The following ATXN1 variants were observed in gnomAD, a reference collection of about 807,000 sequenced individuals.
The protein encoded by ATXN1 is ataxin-1.
Under a neutral mutation model 56.4 loss-of-function variants are expected in ATXN1, and 8 were observed. The ratio of observed to expected loss-of-function variants is 0.14; its 90% CI spans 0.08 to 0.26. The LOEUF (loss-of-function observed/expected upper bound fraction) is 0.26, where lower values mean the gene tolerates loss of function less well. Ranked by LOEUF, ATXN1 falls within the 10% of genes least tolerant of loss-of-function variation. The pLI is 1.00. For synonymous variants in ATXN1, 514 were observed against 494.6 expected, an observed-to-expected ratio of 1.04 and a Z score of -0.52; for missense variants, 987 against 1,106.5, an observed-to-expected ratio of 0.89 and a Z score of 1.53.
chr6:16,678,654 A>C (rs1239891380), intron 2 of ATXN1, among the ~76,000 whole-genome samples: 1 of 152,240 alleles, frequency 6.6e-6, no homozygotes, highest in Non-Finnish European at 1.5e-5. Context: ...TTTCTGATTT[A>C]AATATAAGTA....
chr6:16,331,917 C>A (rs1761001789), intron 6 of ATXN1, among the ~76,000 whole-genome samples: 1 of 152,234 alleles, frequency 6.6e-6, no homozygotes, highest in South Asian at 2.1e-4. Flanking sequence ...TCGGCTTAGT[C>A]AGCCCTGAAG....
intron 3 of ATXN1, among the ~76,000 whole-genome samples, chr6:16,611,817 G>A (rs980979983): frequency 6.9e-6 from 1 of 144,786 alleles, no homozygotes; most frequent in African/African-American, 2.5e-5. Context: ...CTACCCCACT[G>A]CATTCAGTCC....
At position 16,304,436 on chromosome 6, in the gene ATXN1, A is replaced by T. The variant is rs550265252; in HGVS notation, c.*1893T>A. The stretch of plus-strand genomic sequence containing the variant: ...ACATTAAATCTCGATTTGATTTTGA[A>T]TAGAAAAAAAAAAGCCATTCTGAAA... On this transcript the variant is annotated 3_prime_UTR_variant, in exon 8 of 8. Coordinates refer to ENST00000436367, the MANE Select transcript of ATXN1 (RefSeq NM_001128164.2). 1 of 152,164 alleles carries T rather than the reference A, an allele frequency of 6.6e-6. No individual in the cohort carries two copies. The highest frequency in any genetic ancestry group is 2.1e-4 in the South Asian group (1 of 4,814). The allele number at this position is 152,164 out of a possible 1,614,324, so 9.4% of individuals were successfully genotyped here. A position where few individuals can be genotyped will look rare whatever the true frequency, so the allele number is the denominator to read the frequency against.
intron 3 of ATXN1, among the ~76,000 whole-genome samples, chr6:16,590,029 G>A (rs1762695350): frequency 6.6e-6 from 1 of 152,092 alleles, no homozygotes; most frequent in Non-Finnish European, 1.5e-5. Context: ...CGCCATTCAA[G>A]TGCTGTAAAC....
intron 6 of ATXN1, among the ~76,000 whole-genome samples, chr6:16,441,571 T>TA (rs559462613): frequency 3.8e-4 from 56 of 148,444 alleles, no homozygotes; most frequent in Non-Finnish European, 5.2e-4. Flanking sequence ...TCAAAAGAGC[T>TA]AAAAGAAAAT....
At chr6:16,626,674 A>T (rs748513502) in intron 3 of ATXN1, among the ~76,000 whole-genome samples, 1 of 152,112 alleles carries the variant, frequency 6.6e-6, no homozygotes, top group Non-Finnish European at 1.5e-5. Flanking sequence ...TCCCCCCACA[A>T]CCACTCAAAA....
chr6:16,575,490 A>G (rs1762405560), intron 4 of ATXN1, among the ~76,000 whole-genome samples: 1 of 152,176 alleles, frequency 6.6e-6, no homozygotes, highest in Admixed American at 6.5e-5. Flanking sequence ...TTACCCAGTT[A>G]TTCTAAGCTG....
At chr6:16,730,594 A>G (rs1199767007) in intron 2 of ATXN1, among the ~76,000 whole-genome samples, 2 of 151,494 alleles carry the variant, frequency 1.3e-5, no homozygotes, top group African/African-American at 4.8e-5. Flanking sequence ...AAAGAATATT[A>G]TAAGAAAATG....
chr6:16,506,168 T>C lies in ATXN1; in HGVS notation c.-299+16459A>G, dbSNP rs1760979000. ...GCCCTGGAAAAATAGAAAATATTTC[T>C]AGGGTAGCACAGAAGTTTGGCCTTT... is the stretch of plus-strand genomic sequence containing the variant. On this transcript the variant is annotated intron_variant, in intron 5 of 7. Transcript: ENST00000436367. This position sits in a 1 kb window ranked among gnomAD's most constrained non-coding sequence, Gnocchi z 4.1. Among the ~76,000 whole-genome samples, 2 of 152,188 alleles carry C rather than the reference T, an allele frequency of 1.3e-5. No individual in the cohort carries two copies.
At chr6:16,580,168 C>T (rs1762501762) in intron 4 of ATXN1, among the ~76,000 whole-genome samples, 1 of 152,180 alleles carries the variant, frequency 6.6e-6, no homozygotes, top group African/African-American at 2.4e-5. Flanking sequence ...AAATGAGAAG[C>T]ACTAATGATA....
chr6:16,310,525 C>T (rs1760364304), intron 7 of ATXN1, among the ~76,000 whole-genome samples: 2 of 152,104 alleles, frequency 1.3e-5, no homozygotes, highest in South Asian at 2.1e-4. Flanking sequence ...CTCTGTCGCC[C>T]AGGCTGGAGT....
intron 6 of ATXN1, among the ~76,000 whole-genome samples, chr6:16,336,980 G>T (rs1273364211): frequency 6.6e-6 from 1 of 152,134 alleles, no homozygotes; most frequent in Non-Finnish European, 1.5e-5. Context: ...CATTCGGGTG[G>T]TCGCTGGCTT....
rs1466293335 is a variant in ATXN1, at chr6:16,565,286, A to G, written c.-361+20494T>C. ...CATAAGGACAGGGTCCCTGTAAGCAATTGTCCTCCAAACCAATCCACCTAA... is the reference window on the plus strand; with the variant it reads ...CATAAGGACAGGGTCCCTGTAAGCAGTTGTCCTCCAAACCAATCCACCTAA... On this transcript the variant is annotated intron_variant, in intron 4 of 7. Transcript: ENST00000436367. Among the ~76,000 whole-genome samples, 10 of 152,286 alleles carry G rather than the reference A, an allele frequency of 6.6e-5. No individual in the cohort carries two copies. The East Asian group carries it at 1.9e-3, about 29-fold the overall frequency.
At chr6:16,611,491 T>G (rs1463223821) in intron 3 of ATXN1, among the ~76,000 whole-genome samples, 2 of 152,202 alleles carry the variant, frequency 1.3e-5, no homozygotes, top group African/African-American at 4.8e-5. Context: ...TTAATTCGTT[T>G]TGAAAAGCAA....
intron 4 of ATXN1, among the ~76,000 whole-genome samples, chr6:16,538,746 C>A (rs571871118): frequency 6.6e-6 from 1 of 152,136 alleles, no homozygotes; most frequent in Non-Finnish European, 1.5e-5. Flanking sequence ...AGTGCAATGG[C>A]ACTATCTCGG....
At chr6:16,424,459 G>A (rs561869286) in intron 6 of ATXN1, among the ~76,000 whole-genome samples, 7 of 152,082 alleles carry the variant, frequency 4.6e-5, no homozygotes, top group Non-Finnish European at 8.8e-5. Flanking sequence ...GCAAACCTTC[G>A]GCTATTTAAT....
At chr6:16,580,585 G>A (rs1222646708) in intron 4 of ATXN1, among the ~76,000 whole-genome samples, 2 of 152,114 alleles carry the variant, frequency 1.3e-5, no homozygotes, top group African/African-American at 4.8e-5. Context: ...CACAGATGAT[G>A]GAATAGTCTA....
chr6:16,372,818 A>C lies in ATXN1; in HGVS notation c.-160-44348T>G, dbSNP rs191584564. 5.2e-3 allele frequency among the ~76,000 whole-genome samples: 790 copies of C among 152,318 alleles called. 4 individuals carry two copies. The highest frequency in any genetic ancestry group is 0.031 in the Middle Eastern group (9 of 294). On this transcript the variant is annotated intron_variant, in intron 6 of 7. Transcript: ENST00000436367. Reference sequence around the variant, plus strand: ...ATAGTCCTTGCTACTAGGGAGGCTGAGGCAGGAGGATCACTTGAGCCTGGG... The same window carrying C: ...ATAGTCCTTGCTACTAGGGAGGCTGCGGCAGGAGGATCACTTGAGCCTGGG...
At chr6:16,448,168 G>A (rs1759672208) in intron 6 of ATXN1, among the ~76,000 whole-genome samples, 1 of 151,896 alleles carries the variant, frequency 6.6e-6, no homozygotes, top group African/African-American at 2.4e-5. Context: ...CTTTTTTCCT[G>A]CCCATCTCCT....
Sources: allele counts gnomAD v4.1 joint callset (sites outside exome capture counted in the v4.1 genomes callset), GRCh38; gene constraint gnomAD v4.1.1; non-coding constraint Gnocchi (gnomAD v3.1); transcripts MANE v1.5; gene names NCBI Gene and HGNC (gene_info 2026-07-23, HGNC 2026-07-21).